CEP192: variants seen among roughly 807,000 people sequenced by gnomAD.
CEP192 encodes the protein centrosomal protein 192.
CEP192 carries 151 observed loss-of-function variants against 271.8 expected under a neutral mutation model. That is an observed-to-expected ratio of 0.56 (90% CI 0.49 to 0.64). CEP192 has a LOEUF of 0.64. CEP192 is among the 30% of genes least tolerant of loss of function. The pLI is 0.00. For missense variants in CEP192, 2,910 were observed against 3,020.5 expected (o/e 0.96, Z 0.86); for synonymous variants, 995 against 1,076.5 (o/e 0.92, Z 1.48).
chr18:13,029,270 C>G (rs923841689), intron 9 of CEP192, among the ~76,000 whole-genome samples: 8 of 152,360 alleles, frequency 5.3e-5, no homozygotes, highest in African/African-American at 1.9e-4. Flanking sequence ...ATATTAATAT[C>G]TAGGGCTGTT....
chr18:13,064,900 C>G (rs998503971), intron 21 of CEP192, among the ~76,000 whole-genome samples: 4 of 151,910 alleles, frequency 2.6e-5, no homozygotes, highest in African/African-American at 9.7e-5. Flanking sequence ...GTTGATTGTT[C>G]CAGTCTGTAA....
intron 34 of CEP192, among the ~76,000 whole-genome samples, chr18:13,094,910 C>T (rs1433203502): frequency 6.6e-6 from 1 of 152,190 alleles, no homozygotes; most frequent in Non-Finnish European, 1.5e-5. Flanking sequence ...TTTACTTAAT[C>T]CCCCTATTTT....
intron 34 of CEP192, among the ~76,000 whole-genome samples, chr18:13,092,730 C>T (rs963748290): frequency 2.0e-5 from 3 of 152,100 alleles, no homozygotes; most frequent in African/African-American, 7.2e-5. Flanking sequence ...ATATACTCTG[C>T]ACTCAGACTC....
intron 30 of CEP192, among the ~76,000 whole-genome samples, chr18:13,074,833 G>A (rs1277572026): frequency 7.2e-5 from 11 of 152,176 alleles, no homozygotes; most frequent in African/African-American, 2.2e-4. Context: ...AGCCAGCCCT[G>A]TCTCTGTTAC....
chr18:13,056,083 A>T lies in CEP192; in HGVS notation c.3493A>T (p.Ile1165Phe), dbSNP rs1447733688. The change falls in exon 19 of 45, where the codon ATC becomes TTC. Residue 1165 changes from isoleucine to phenylalanine, a missense_variant. Transcript: ENST00000506447. ...ATCAAACCCTGAGGAATTGGACCCG[A>T]TCAGGCTGGCTCTCCTGGGCAAGTC... is the stretch of plus-strand genomic sequence containing the variant. Reference protein sequence around the residue: ...WTSNPEELDPIRLALLGKSGL... With the variant: ...WTSNPEELDPFRLALLGKSGL... The T allele has an allele frequency of 6.2e-7, 1 of 1,613,782 alleles. No individual in the cohort carries two copies. Among genetic ancestry groups the T allele is most frequent in the Non-Finnish European group, 8.5e-7 (1 of 1,179,844 alleles).
chr18:13,096,068 G>GAGCA, intron 35 of CEP192, 116 bp from the exon 36 acceptor site: 1 of 1,049,196 alleles, frequency 9.5e-7, no homozygotes, highest in Non-Finnish European at 1.4e-6. Context: ...TTGAGCAGTT[G>GAGCA]AGAAAGCAGT....
At chr18:13,110,023 G>A (rs2040137475) in intron 40 of CEP192, among the ~76,000 whole-genome samples, 1 of 152,260 alleles carries the variant, frequency 6.6e-6, no homozygotes, top group East Asian at 1.9e-4. Context: ...GGGTTGTCCT[G>A]AGAATTTATA....
chr18:12,999,725 T>C (rs2145783185), intron 2 of CEP192, 137 bp downstream of exon 2: 1 of 540,402 alleles, frequency 1.9e-6, no homozygotes, highest in East Asian at 3.3e-5. Context: ...GAAATGAATA[T>C]AGAAAAGACA....
At chr18:13,032,786 C>T (rs1465403430) in intron 11 of CEP192, among the ~76,000 whole-genome samples, 1 of 152,222 alleles carries the variant, frequency 6.6e-6, no homozygotes, top group Non-Finnish European at 1.5e-5. Context: ...TCACCCTCCC[C>T]TCCCTCAGCC....
chr18:13,019,217 C>A lies in CEP192; in HGVS notation c.1050+11C>A. ...CCAGATCTTAACAGTGTAAGTTATG[C>A]ATTTTTCTTAGATTTCCTATAAAAA... On this transcript the variant is annotated intron_variant, in intron 9 of 44. Coordinates refer to ENST00000506447, the MANE Select transcript of CEP192 (RefSeq NM_032142.4). 2 of 1,473,898 alleles carry A rather than the reference C, an allele frequency of 1.4e-6. No homozygotes were observed. Among genetic ancestry groups the A allele is most frequent in the African/African-American group, 1.5e-5 (1 of 68,668 alleles). 91.3% of individuals were successfully genotyped at this position (1,473,898 alleles called of 1,614,324 possible).
intron 20 of CEP192, chr18:13,058,796 T>G: frequency 2.5e-6 from 1 of 399,858 alleles, no homozygotes; most frequent in Non-Finnish European, 4.7e-6. Context: ...AAGAGTGACC[T>G]TTGTCAGTGT....
chr18:13,091,914 T>C (rs757418180), intron 33 of CEP192, among the ~76,000 whole-genome samples: 22 of 152,212 alleles, frequency 1.4e-4, no homozygotes, highest in Non-Finnish European at 3.1e-4. Context: ...CTCTTTGCAG[T>C]AGAGGTAATA....
In CEP192 at chr18:13,052,901, G is replaced by GCCC. The variant is rs2036875949; in HGVS notation, c.3018-17_3018-16insCCC. Reference sequence around the variant, plus strand: ...AAGGACTGGAGAACTCCAGGTGTGAGCTACTCTTCTCTTTCAGGTGTGCGT... The same window carrying GCCC: ...AAGGACTGGAGAACTCCAGGTGTGAGCCCCTACTCTTCTCTTTCAGGTGTGCGT... On this transcript the variant is annotated splice_polypyrimidine_tract_variant and intron_variant, in intron 17 of 44. Coordinates refer to ENST00000506447, the MANE Select transcript of CEP192 (RefSeq NM_032142.4). 6.5e-7 allele frequency: 1 copy of GCCC among 1,540,300 alleles called. No individual in the cohort carries two copies. Among genetic ancestry groups the GCCC allele is most frequent in the Non-Finnish European group, 8.8e-7 (1 of 1,134,686 alleles).
At chr18:13,020,741 C>T (rs2034942778) in intron 9 of CEP192, among the ~76,000 whole-genome samples, 1 of 152,148 alleles carries the variant, frequency 6.6e-6, no homozygotes, top group South Asian at 2.1e-4. Context: ...ACACTCTTTA[C>T]TTTTTTCCCT....
chr18:13,013,745 C>T (rs1304834342), intron 5 of CEP192, among the ~76,000 whole-genome samples: 1 of 152,186 alleles, frequency 6.6e-6, no homozygotes, highest in African/African-American at 2.4e-5. Context: ...ACATTACCAC[C>T]AAACCTGGAT....
chr18:13,010,621 C>T (rs372356355), intron 4 of CEP192, among the ~76,000 whole-genome samples: 40 of 152,230 alleles, frequency 2.6e-4, no homozygotes, highest in African/African-American at 7.9e-4. Flanking sequence ...CCAAGGCGGG[C>T]GGATCACCTG....
At chr18:12,994,503 T>A (rs1283971874) in intron 1 of CEP192, among the ~76,000 whole-genome samples, 1 of 152,086 alleles carries the variant, frequency 6.6e-6, no homozygotes, top group Non-Finnish European at 1.5e-5. Flanking sequence ...GTTAATGGTC[T>A]TTTTGCTTGC....
chr18:13,026,311 T>C (rs1282242588), intron 9 of CEP192, among the ~76,000 whole-genome samples: 1 of 152,222 alleles, frequency 6.6e-6, no homozygotes, highest in Non-Finnish European at 1.5e-5. Flanking sequence ...TTCTGTAGTT[T>C]GAAATGATAT....
intron 30 of CEP192, among the ~76,000 whole-genome samples, chr18:13,077,743 T>C (rs553221286): frequency 6.6e-6 from 1 of 152,316 alleles, no homozygotes; most frequent in East Asian, 1.9e-4. Context: ...CTGGCTAGAC[T>C]GCACACTAAG....
Sources: allele counts gnomAD v4.1 joint callset (sites outside exome capture counted in the v4.1 genomes callset), GRCh38; gene constraint gnomAD v4.1.1; transcripts MANE v1.5; gene names NCBI Gene and HGNC (gene_info 2026-07-23, HGNC 2026-07-21).